ADCY2: variants seen among roughly 807,000 people sequenced by gnomAD.
The protein encoded by ADCY2 is adenylate cyclase type 2.
A neutral mutation model predicts 125.2 loss-of-function variants in ADCY2; 31 were observed. The observed-to-expected ratio is 0.25, with a 90% CI of 0.19 to 0.33. The LOEUF (loss-of-function observed/expected upper bound fraction) is 0.33. ADCY2 is among the 10% of genes least tolerant of loss of function. The probability of loss-of-function intolerance (pLI) is 1.00; values close to 1 mark genes in which losing one functional copy is unlikely to be tolerated. For missense variants in ADCY2, 904 were observed against 1,418.2 expected (o/e 0.64, Z 5.82); for synonymous variants, 512 against 548.4 (o/e 0.93, Z 0.93).
chr5:7,658,519 A>G (rs890186470), intron 4 of ADCY2, among the ~76,000 whole-genome samples: 1 of 151,588 alleles, frequency 6.6e-6, no homozygotes, highest in Admixed American at 6.6e-5. Context: ...TTCTGGGTTC[A>G]AGCGATTCTC....
chr5:7,803,979 C>T (rs1744679699), intron 21 of ADCY2, among the ~76,000 whole-genome samples: 1 of 146,348 alleles, frequency 6.8e-6, no homozygotes, highest in South Asian at 2.1e-4. Flanking sequence ...TCGTATGGCT[C>T]CTCTTCTGTC....
At chr5:7,542,086 G>A (rs1424656358) in intron 3 of ADCY2, among the ~76,000 whole-genome samples, 1 of 152,070 alleles carries the variant, frequency 6.6e-6, no homozygotes, top group Non-Finnish European at 1.5e-5. Context: ...ACTTCAGAGG[G>A]AGTGGCCAAA....
Position 7,712,909 on chromosome 5 carries a change from C to A in ADCY2, c.1622+10C>A. The A allele has an allele frequency of 6.4e-7, 1 of 1,558,232 alleles. No individual in the cohort carries two copies. The highest frequency in any genetic ancestry group is 8.8e-7 in the Non-Finnish European group (1 of 1,131,168). On this transcript the variant is annotated intron_variant, in intron 11 of 24. Transcript: ENST00000338316. ...AAAATCGCACCTTAAGGTATGGTAT[C>A]TCTCTATCTGATTTTTTAAAGCTTA...
intron 11 of ADCY2, among the ~76,000 whole-genome samples, chr5:7,715,957 C>T (rs1217562842): frequency 6.6e-6 from 1 of 152,156 alleles, no homozygotes; most frequent in Non-Finnish European, 1.5e-5. Flanking sequence ...AGAATTCATG[C>T]CTAAACCATG....
intron 2 of ADCY2, among the ~76,000 whole-genome samples, chr5:7,512,908 C>A (rs1474368907): frequency 6.6e-6 from 1 of 152,014 alleles, no homozygotes; most frequent in Non-Finnish European, 1.5e-5. Flanking sequence ...AGATCCAGAC[C>A]TCTGTAGAGG....
At chr5:7,464,562 A>G (rs763221461) in intron 2 of ADCY2, among the ~76,000 whole-genome samples, 9 of 152,146 alleles carry the variant, frequency 5.9e-5, no homozygotes, top group Non-Finnish European at 1.2e-4. Context: ...CTTGTTATGC[A>G]GCAGTAGATA....
intron 5 of ADCY2, chr5:7,691,943 G>A (rs1740720033): frequency 6.5e-6 from 1 of 154,008 alleles, no homozygotes; most frequent in Admixed American, 6.5e-5. Context: ...GGAAGGGGAA[G>A]GTGTCACACA....
intron 20 of ADCY2, chr5:7,801,100 G>C (rs777470131): frequency 6.6e-6 from 1 of 152,212 alleles, no homozygotes; most frequent in Non-Finnish European, 1.5e-5. Context: ...CCTTCACCTG[G>C]GTTGCCCTGG....
chr5:7,657,097 CT>C (rs1212720714), intron 4 of ADCY2, among the ~76,000 whole-genome samples: 1 of 152,218 alleles, frequency 6.6e-6, no homozygotes, highest in African/African-American at 2.4e-5. Context: ...CATGTTTACA[CT>C]TGGGTCCTAT....
At chr5:7,473,814 G>C (rs1431727469) in intron 2 of ADCY2, among the ~76,000 whole-genome samples, 1 of 152,184 alleles carries the variant, frequency 6.6e-6, no homozygotes, top group African/African-American at 2.4e-5. Context: ...ATGAATGCTT[G>C]GTGGAGGCCT....
At chr5:7,796,415 C>T (rs1744422658) in intron 20 of ADCY2, 1 of 152,352 alleles carries the variant, frequency 6.6e-6, no homozygotes, top group East Asian at 1.9e-4. Context: ...CCTGCATTAA[C>T]ACAGATCATG....
At chr5:7,516,120 A>AG (rs112547138) in intron 2 of ADCY2, among the ~76,000 whole-genome samples, 26,063 of 152,106 alleles carry the variant, frequency 0.17, 2,855 homozygotes, top group Non-Finnish European at 0.25. Flanking sequence ...GCATTAGACA[A>AG]GGGCTCCCAT....
intron 1 of ADCY2, among the ~76,000 whole-genome samples, chr5:7,401,098 T>C (rs983744563): frequency 1.3e-5 from 2 of 152,242 alleles, no homozygotes; most frequent in African/African-American, 2.4e-5. Context: ...CTCAGTTTCC[T>C]TGTTTGTAAA....
In ADCY2 at chr5:7,704,853, G is replaced by C. The variant is rs1741213728; in HGVS notation, c.1110-1891G>C. ...AGATCACGCCACTGCACTCCAACCTGGGTGACAGAGTGAGACTCCATCTCC... is the reference window on the plus strand; with the variant it reads ...AGATCACGCCACTGCACTCCAACCTCGGTGACAGAGTGAGACTCCATCTCC... On this transcript the variant is annotated intron_variant, in intron 7 of 24. Transcript: ENST00000338316. Among the ~76,000 whole-genome samples, 4 of 151,454 alleles carry C rather than the reference G, an allele frequency of 2.6e-5. No individual in the cohort carries two copies. The South Asian group carries it at 8.4e-4, about 32-fold the overall frequency.
At chr5:7,805,590 C>T (rs1744735792) in intron 22 of ADCY2, among the ~76,000 whole-genome samples, 1 of 152,074 alleles carries the variant, frequency 6.6e-6, no homozygotes, top group Non-Finnish European at 1.5e-5. Flanking sequence ...CTGGGCAGAC[C>T]ACAGAGAAAC....
At chr5:7,509,547 G>A (rs985722981) in intron 2 of ADCY2, among the ~76,000 whole-genome samples, 3 of 152,146 alleles carry the variant, frequency 2.0e-5, no homozygotes. Flanking sequence ...CACAGTGAAA[G>A]TTATTGTTTT....
chr5:7,428,034 GC>G (rs1269838343), intron 2 of ADCY2, among the ~76,000 whole-genome samples: 3 of 152,190 alleles, frequency 2.0e-5, no homozygotes, highest in Non-Finnish European at 2.9e-5. Context: ...CTAAGACTGA[GC>G]CCTGTGAGGC....
Position 7,567,232 on chromosome 5 carries a change from G to A in ADCY2, c.570+46333G>A, listed in dbSNP as rs146132765. The stretch of plus-strand genomic sequence containing the variant: ...ACTACTGTATTATCTTTGAATTGAG[G>A]GGCAGTAGTTCTTGATGCTTATGTA... On this transcript the variant is annotated intron_variant, in intron 3 of 24. Coordinates refer to ENST00000338316, the MANE Select transcript of ADCY2 (RefSeq NM_020546.3). Among the ~76,000 whole-genome samples the A allele has an allele frequency of 1.7e-3, 265 of 152,164 alleles. 2 individuals are homozygous for A. The highest frequency in any genetic ancestry group is 6.0e-3 in the African/African-American group (249 of 41,518).
chr5:7,670,502 TATAAC>T (rs1457920093), intron 4 of ADCY2, among the ~76,000 whole-genome samples: 1 of 152,226 alleles, frequency 6.6e-6, no homozygotes. Flanking sequence ...TATTTAACCT[TATAAC>T]AGAAAACAAA....
Sources: gnomAD v4.1 joint callset for allele counts (sites outside exome capture counted in the v4.1 genomes callset) on GRCh38, gnomAD v4.1.1 for gene constraint, MANE v1.5 for transcripts, NCBI Gene and HGNC (gene_info 2026-07-23, HGNC 2026-07-21) for gene names.